The following CDH3 variants were observed in gnomAD, a reference collection of about 807,000 sequenced individuals.
The protein encoded by CDH3 is cadherin-3.
Under a neutral mutation model 82.0 loss-of-function variants are expected in CDH3, and 54 were observed. The observed-to-expected ratio is 0.66, with a 90% CI of 0.53 to 0.83. CDH3 has a LOEUF of 0.83. CDH3 is among the 40% of genes least tolerant of loss of function. The pLI, the probability that CDH3 is intolerant of heterozygous loss-of-function variation, is 0.00. For missense variants in CDH3, 1,054 were observed against 1,084.6 expected, an observed-to-expected ratio of 0.97 and a Z score of 0.40; for synonymous variants, 446 against 437.9, an observed-to-expected ratio of 1.02 and a Z score of -0.23.
chr16:68,689,045 T>C (rs1354289365), intron 12 of CDH3, among the ~76,000 whole-genome samples: 1 of 152,246 alleles, frequency 6.6e-6, no homozygotes, highest in African/African-American at 2.4e-5. Context: ...ATAACCTGGT[T>C]CTTGGCTTTA....
downstream of CDH3, among the ~76,000 whole-genome samples, chr16:68,702,013 A>C (rs1961903374): frequency 6.6e-6 from 1 of 151,880 alleles, no homozygotes; most frequent in Non-Finnish European, 1.5e-5. Context: ...AACAAGAGTG[A>C]AACTCCATCT....
At chr16:68,727,278 G>T (rs762307463) in exon 3 of CDH3, among the ~76,000 whole-genome samples, 12 of 152,192 alleles carry the variant, frequency 7.9e-5, no homozygotes, top group Non-Finnish European at 1.8e-4. Flanking sequence ...GAAAGTCTTG[G>T]ATTGGGCAAT....
At chr16:68,655,031 A>G (rs1458518307) in intron 2 of CDH3, among the ~76,000 whole-genome samples, 2 of 147,874 alleles carry the variant, frequency 1.4e-5, no homozygotes, top group South Asian at 2.1e-4. Context: ...GCAAGACTCC[A>G]TCTCCAAAAA....
chr16:68,720,014 G>A (rs934098649), intron 1 of CDH3, among the ~76,000 whole-genome samples: 13 of 151,958 alleles, frequency 8.6e-5, no homozygotes, highest in Non-Finnish European at 4.4e-5. Flanking sequence ...AATTAGCCAG[G>A]CATGGTGGCA....
chr16:68,702,171 C>T (rs113165143), downstream of CDH3, among the ~76,000 whole-genome samples: 4 of 152,058 alleles, frequency 2.6e-5, no homozygotes, highest in Non-Finnish European at 5.9e-5. Context: ...GGATTATAGG[C>T]GTGAGCCACT....
chr16:68,672,816 C>T (rs1435369012), intron 2 of CDH3, among the ~76,000 whole-genome samples: 1 of 152,222 alleles, frequency 6.6e-6, no homozygotes, highest in Non-Finnish European at 1.5e-5. Context: ...GGTCCCCAAG[C>T]CCCTCTGTCC....
intron 2 of CDH3, among the ~76,000 whole-genome samples, chr16:68,663,301 T>G (rs1258453953): frequency 1.3e-5 from 2 of 151,088 alleles, no homozygotes; most frequent in Non-Finnish European, 2.9e-5. Flanking sequence ...CTCAGCTCAC[T>G]GCAACCTCCG....
chr16:68,693,219 T>C (rs1429988506), intron 13 of CDH3, among the ~76,000 whole-genome samples: 1 of 152,186 alleles, frequency 6.6e-6, no homozygotes, highest in East Asian at 1.9e-4. Context: ...GAACTGAAAG[T>C]TATCAGAAGG....
At chr16:68,645,552 G>A in intron 1 of CDH3, 84 bp from the exon 2 acceptor site, 2 of 1,449,878 alleles carry the variant, frequency 1.4e-6, no homozygotes, top group South Asian at 1.2e-5. Context: ...GTCCCGGAAG[G>A]CCCGTGAGGA....
intron 2 of CDH3, among the ~76,000 whole-genome samples, chr16:68,672,201 A>T (rs3049696): frequency 0.022 from 3,161 of 145,184 alleles, 89 homozygotes; most frequent in African/African-American, 0.064. Context: ...AAAAAAAAAA[A>T]AAATAAATAA....
At chr16:68,692,339 C>T (rs535569754) in intron 13 of CDH3, among the ~76,000 whole-genome samples, 10 of 152,248 alleles carry the variant, frequency 6.6e-5, no homozygotes, top group Non-Finnish European at 1.5e-4. Flanking sequence ...GCCCGGTCCA[C>T]TCCTTAAACT....
chr16:68,679,895 A>G lies in CDH3; in HGVS notation c.788A>G (p.Lys263Arg). 1 of 1,614,040 alleles carries G rather than the reference A, an allele frequency of 6.2e-7. No individual in the cohort carries two copies. The highest frequency in any genetic ancestry group is 8.5e-7 in the Non-Finnish European group (1 of 1,179,936). ...VAYSIHSQEP[K>R]DPHDLMFTIH... ...TACTCCATCCATAGCCAAGAACCAA[A>G]GGACCCACACGACCTCATGTTCACC... The change falls in exon 7 of 16, where the codon AAG (lysine) becomes AGG (arginine). Residue 263 changes from lysine to arginine, a missense_variant. Physicochemically the swap from Lys to Arg is conservative, Grantham distance 26. Coordinates refer to ENST00000264012, the MANE Select transcript of CDH3 (RefSeq NM_001793.6).
rs550555976 is a variant in CDH3 at position 68,683,405 on chromosome 16, A to G, written c.1182+918A>G. Among the ~76,000 whole-genome samples, 4 of 152,260 alleles carry G rather than the reference A, an allele frequency of 2.6e-5. No homozygotes were observed. The East Asian group carries it at 7.7e-4, about 29-fold the overall frequency. Reference sequence around the variant, plus strand: ...TGTGGCTCACGCCTGTAATCCCAGCACTTTGGGAGGCCGAGGTGGGTGGAT... The same window carrying G: ...TGTGGCTCACGCCTGTAATCCCAGCGCTTTGGGAGGCCGAGGTGGGTGGAT... On this transcript the variant is annotated intron_variant, in intron 9 of 15. Transcript: ENST00000264012.
At chr16:68,666,736 A>C (rs1960743895) in intron 2 of CDH3, among the ~76,000 whole-genome samples, 2 of 152,208 alleles carry the variant, frequency 1.3e-5, no homozygotes, top group Admixed American at 6.5e-5. Context: ...TGTCAGCCTT[A>C]TGCTATAAAT....
intron 7 of CDH3, among the ~76,000 whole-genome samples, 183 bp downstream of exon 7, chr16:68,680,157 C>T (rs531222120): frequency 3.9e-5 from 6 of 152,324 alleles, no homozygotes; most frequent in East Asian, 1.9e-4. Context: ...GCCTGTGGCC[C>T]GCTGCCAGCC....
At chr16:68,673,829 G>T (rs899525228) in intron 2 of CDH3, among the ~76,000 whole-genome samples, 1 of 152,066 alleles carries the variant, frequency 6.6e-6, no homozygotes, top group Non-Finnish European at 1.5e-5. Flanking sequence ...GGAGGCTGAG[G>T]CATGAGAATC....
intron 2 of CDH3, among the ~76,000 whole-genome samples, chr16:68,667,256 A>T (rs986471793): frequency 3.9e-5 from 6 of 152,186 alleles, no homozygotes; most frequent in Non-Finnish European, 4.4e-5. Context: ...AGTGATAGCT[A>T]TAAGGACAAA....
At chr16:68,714,208 A>G (rs1946239067) in intron 1 of CDH3, among the ~76,000 whole-genome samples, 1 of 152,146 alleles carries the variant, frequency 6.6e-6, no homozygotes, top group African/African-American at 2.4e-5. Flanking sequence ...TGGTGGGATT[A>G]TAGGCGTGAG....
At chr16:68,729,261 C>T (rs771262669), downstream of CDH3, among the ~76,000 whole-genome samples, 11 of 152,148 alleles carry the variant, frequency 7.2e-5, no homozygotes, top group Admixed American at 1.3e-4. Context: ...GCTGAGACTG[C>T]GCCATTGCAT....
Sources: gnomAD v4.1 joint callset for allele counts (sites outside exome capture counted in the v4.1 genomes callset) on GRCh38, gnomAD v4.1.1 for gene constraint, MANE v1.5 for transcripts, NCBI Gene and HGNC (gene_info 2026-07-23, HGNC 2026-07-21) for gene names.